PRICKLE2: variants seen among roughly 807,000 people sequenced by gnomAD.
The protein encoded by PRICKLE2 is prickle planar cell polarity protein 2.
Under a neutral mutation model 81.4 loss-of-function variants are expected in PRICKLE2, and 21 were observed. The ratio of observed to expected loss-of-function variants is 0.26; its 90% CI spans 0.18 to 0.37. The LOEUF (loss-of-function observed/expected upper bound fraction) is 0.37, where lower values mean the gene tolerates loss of function less well. PRICKLE2 is among the 10% of genes least tolerant of loss of function. PRICKLE2 has a pLI of 1.00. For synonymous variants in PRICKLE2, 456 were observed against 421.5 expected (o/e 1.08, Z -1.00); for missense variants, 940 against 1,109.0 (o/e 0.85, Z 2.16).
chr3:64,248,939 C>T (rs1316686275), intron 2 of PRICKLE2, among the ~76,000 whole-genome samples: 4 of 152,144 alleles, frequency 2.6e-5, no homozygotes, highest in Non-Finnish European at 4.4e-5. Flanking sequence ...TAATTTAAGG[C>T]TGTGATTTAA....
At chr3:64,263,704 A>C (rs1000854388) in intron 2 of PRICKLE2, among the ~76,000 whole-genome samples, 1 of 152,190 alleles carries the variant, frequency 6.6e-6, no homozygotes, top group East Asian at 1.9e-4. Context: ...TGGCACCTAC[A>C]TCCAGGTAGA....
intron 2 of PRICKLE2, among the ~76,000 whole-genome samples, chr3:64,177,173 T>A (rs1243109184): frequency 6.8e-6 from 1 of 147,980 alleles, no homozygotes; most frequent in Non-Finnish European, 1.5e-5. Flanking sequence ...TTCACTCTTG[T>A]TGCCCAGGCT....
intron 2 of PRICKLE2, among the ~76,000 whole-genome samples, chr3:64,186,199 T>C (rs1316668688): frequency 2.0e-5 from 3 of 152,252 alleles, no homozygotes; most frequent in Non-Finnish European, 4.4e-5. Context: ...TTGAGTTATT[T>C]CCAATTTTTG....
At chr3:64,239,686 CAA>C (rs1433648149) in intron 2 of PRICKLE2, among the ~76,000 whole-genome samples, 1 of 152,122 alleles carries the variant, frequency 6.6e-6, no homozygotes, top group Non-Finnish European at 1.5e-5. Context: ...AGCAACCCTT[CAA>C]GGTTATACCT....
chr3:64,120,986 T>A (rs1435063926), intron 7 of PRICKLE2, among the ~76,000 whole-genome samples: 1 of 152,210 alleles, frequency 6.6e-6, no homozygotes, highest in Non-Finnish European at 1.5e-5. Context: ...AACAGGGCCA[T>A]GAAAACTTCT....
chr3:64,148,921 G>C (rs1370267458), intron 6 of PRICKLE2, among the ~76,000 whole-genome samples: 1 of 152,214 alleles, frequency 6.6e-6, no homozygotes, highest in Admixed American at 6.5e-5. Context: ...AGTCTCAACA[G>C]ACTTAGTGGG....
intron 7 of PRICKLE2, among the ~76,000 whole-genome samples, chr3:64,134,397 T>C (rs1234178378): frequency 6.6e-6 from 1 of 152,210 alleles, no homozygotes; most frequent in Admixed American, 6.5e-5. Flanking sequence ...TGACTTAGAT[T>C]GGGACTAATG....
upstream of PRICKLE2, among the ~76,000 whole-genome samples, chr3:64,228,903 T>C (rs1159751634): frequency 6.6e-6 from 1 of 152,208 alleles, no homozygotes; most frequent in Non-Finnish European, 1.5e-5. Flanking sequence ...AAATTAATTA[T>C]GGCAGAGGTG....
intron 2 of PRICKLE2, among the ~76,000 whole-genome samples, chr3:64,244,973 A>G (rs2079324561): frequency 6.6e-6 from 1 of 152,168 alleles, no homozygotes; most frequent in Non-Finnish European, 1.5e-5. Flanking sequence ...TATTTTTTCA[A>G]TCATAGATGC....
intron 2 of PRICKLE2, among the ~76,000 whole-genome samples, chr3:64,249,003 T>C (rs1191270620): frequency 1.3e-5 from 2 of 152,224 alleles, no homozygotes; most frequent in African/African-American, 4.8e-5. Flanking sequence ...TTTAAAACTC[T>C]GACAATCTTT....
chr3:64,147,374 C>A lies in PRICKLE2; in HGVS notation c.1116G>T (p.Leu372=). 6.2e-7 allele frequency: 1 copy of A among 1,614,230 alleles called. No individual in the cohort carries two copies. Among genetic ancestry groups the A allele is most frequent in the East Asian group, 2.2e-5 (1 of 44,882 alleles). The part of the protein sequence containing the change: ...SNRLSADVDP[L]SLQMDMLSLS... ...GGCTGAGCATGTCCATCTGCAGTGA[C>A]AGGGGGTCTACGTCGGCTGACAGCC... The change falls in exon 7 of 8, where the codon CTG becomes CTT. Residue 372 remains leucine (L), a synonymous_variant. Transcript: ENST00000638394. The surrounding 1 kb of genome is among the most constrained non-coding windows in gnomAD (Gnocchi z 5.0).
chr3:64,182,442 C>T (rs907912657), intron 2 of PRICKLE2, among the ~76,000 whole-genome samples: 1 of 151,694 alleles, frequency 6.6e-6, no homozygotes, highest in Non-Finnish European at 1.5e-5. Context: ...CTGCAGTGAC[C>T]TATAATTGCA....
At chr3:64,161,910 G>C (rs1020876215) in intron 3 of PRICKLE2, among the ~76,000 whole-genome samples, 17 of 152,066 alleles carry the variant, frequency 1.1e-4, no homozygotes, top group Non-Finnish European at 7.4e-5. Context: ...TACAATGCTT[G>C]CTCTCAACTT....
Position 64,147,486 on chromosome 3 carries a change from C to A in PRICKLE2, c.1004G>T (p.Arg335Leu). ...AFQNARAKES[R>L]RSAKIGKNKG... ...GTTCTTGCCAATTTTGGCACTGCGC[C>A]GGGACTCCTTGGCCCTGGCGTTCTG... Residue 335 changes from arginine (R) to leucine (L), a missense_variant, in exon 7 of 8, where the codon CGG (arginine) becomes CTG (leucine). By Grantham distance (102) the Arg-to-Leu change is moderately radical. Transcript: ENST00000638394. This position sits in a 1 kb window ranked among gnomAD's most constrained non-coding sequence, Gnocchi z 5.0. 2 of 1,614,226 alleles carry A rather than the reference C, an allele frequency of 1.2e-6. No homozygotes were observed. Among genetic ancestry groups the A allele is most frequent in the Non-Finnish European group, 8.5e-7 (1 of 1,180,054 alleles).
intron 2 of PRICKLE2, among the ~76,000 whole-genome samples, chr3:64,189,877 G>A (rs145930988): frequency 8.7e-4 from 133 of 152,228 alleles, no homozygotes; most frequent in African/African-American, 3.0e-3. Context: ...TGCCCTATGT[G>A]CACCTGGGGC....
intron 7 of PRICKLE2, among the ~76,000 whole-genome samples, chr3:64,135,981 C>T (rs1236180879): frequency 6.6e-6 from 1 of 152,056 alleles, no homozygotes; most frequent in Non-Finnish European, 1.5e-5. Flanking sequence ...TGATGCAGTC[C>T]GTGATGATTC....
intron 2 of PRICKLE2, among the ~76,000 whole-genome samples, chr3:64,234,928 G>A (rs539198366): frequency 6.6e-6 from 1 of 151,968 alleles, no homozygotes; most frequent in Admixed American, 6.6e-5. Context: ...ATAAGACTTC[G>A]GAAGTCTTCT....
At chr3:64,251,752 G>A (rs1207269475) in intron 2 of PRICKLE2, among the ~76,000 whole-genome samples, 1 of 152,118 alleles carries the variant, frequency 6.6e-6, no homozygotes, top group Non-Finnish European at 1.5e-5. Flanking sequence ...CTGCATCTGG[G>A]CCCCTTGATC....
chr3:64,236,220 T>A (rs1312730103), intron 2 of PRICKLE2, among the ~76,000 whole-genome samples: 1 of 152,194 alleles, frequency 6.6e-6, no homozygotes, highest in African/African-American at 2.4e-5. Flanking sequence ...CATGATATGT[T>A]TGACTTGTTT....
Sources: allele counts gnomAD v4.1 joint callset (sites outside exome capture counted in the v4.1 genomes callset), GRCh38; gene constraint gnomAD v4.1.1; non-coding constraint Gnocchi (gnomAD v3.1); transcripts MANE v1.5; gene names NCBI Gene and HGNC (gene_info 2026-07-23, HGNC 2026-07-21).